Variants in TGFBR1 observed in about 807,000 individuals in gnomAD.
The protein encoded by TGFBR1 is transforming growth factor beta receptor 1.
A neutral mutation model predicts 55.1 loss-of-function variants in TGFBR1; 20 were observed. The observed-to-expected ratio is 0.36, with a 90% confidence interval of 0.26 to 0.53. TGFBR1 has a LOEUF of 0.53. Ranked by LOEUF, TGFBR1 falls within the 20% of genes least tolerant of loss-of-function variation. The pLI is 0.91. For missense variants in TGFBR1, 385 were observed against 617.6 expected, an observed-to-expected ratio of 0.62 and a Z score of 3.99; for synonymous variants, 220 against 214.8, an observed-to-expected ratio of 1.02 and a Z score of -0.21.
intron 1 of TGFBR1, among the ~76,000 whole-genome samples, chr9:99,123,017 T>G (rs956335544): frequency 5.9e-5 from 9 of 152,140 alleles, no homozygotes; most frequent in African/African-American, 1.7e-4. Flanking sequence ...ATAAAGCATA[T>G]ATGAAACATG....
At chr9:99,139,094 C>A (rs1039442473) in intron 4 of TGFBR1, among the ~76,000 whole-genome samples, 1 of 152,080 alleles carries the variant, frequency 6.6e-6, no homozygotes, top group African/African-American at 2.4e-5. Flanking sequence ...CTGTGCCCAG[C>A]CCCCACGATT....
At chr9:99,146,642 C>T (rs1384408296) in intron 7 of TGFBR1, 33 bp downstream of exon 7, 1 of 1,613,458 alleles carries the variant, frequency 6.2e-7, no homozygotes, top group African/African-American at 1.3e-5. Flanking sequence ...AGTAGTTTGT[C>T]ATGAGCAGAA....
intron 4 of TGFBR1, among the ~76,000 whole-genome samples, chr9:99,139,431 G>C (rs1027343458): frequency 1.3e-5 from 2 of 151,702 alleles, no homozygotes; most frequent in Non-Finnish European, 2.9e-5. Flanking sequence ...ACTTTTATTT[G>C]TAGAAAATTT....
At chr9:99,124,100 T>G (rs1327446260) in intron 1 of TGFBR1, among the ~76,000 whole-genome samples, 1 of 152,130 alleles carries the variant, frequency 6.6e-6, no homozygotes, top group Non-Finnish European at 1.5e-5. Flanking sequence ...TCAGGAAAGC[T>G]TTCTCACCCT....
At chr9:99,122,043 C>T (rs1223350881) in intron 1 of TGFBR1, among the ~76,000 whole-genome samples, 3 of 152,168 alleles carry the variant, frequency 2.0e-5, no homozygotes, top group Admixed American at 2.0e-4. Flanking sequence ...TACTCTGTCT[C>T]ATATCCTGAA....
intron 1 of TGFBR1, among the ~76,000 whole-genome samples, chr9:99,123,109 A>T (rs1261315962): frequency 1.3e-5 from 2 of 152,116 alleles, no homozygotes. Flanking sequence ...TCTGAAAAAA[A>T]TCCCAAATCC....
chr9:99,146,188 A>G (rs532331467), intron 6 of TGFBR1, among the ~76,000 whole-genome samples: 22 of 152,300 alleles, frequency 1.4e-4, no homozygotes, highest in African/African-American at 5.3e-4. Flanking sequence ...TAGTACGTGT[A>G]TAGGTGGTGT....
chr9:99,112,516 A>G (rs1187833878), intron 1 of TGFBR1, among the ~76,000 whole-genome samples: 1 of 152,104 alleles, frequency 6.6e-6, no homozygotes, highest in Non-Finnish European at 1.5e-5. Flanking sequence ...TCTCCTTCCT[A>G]TCATTCTATG....
chr9:99,135,122 T>C (rs987786684), intron 3 of TGFBR1, among the ~76,000 whole-genome samples: 4 of 152,078 alleles, frequency 2.6e-5, no homozygotes, highest in Non-Finnish European at 2.9e-5. Context: ...ATGACAAGTG[T>C]TACTCTTATT....
In TGFBR1 at chr9:99,105,189, G is replaced by T; in HGVS notation, c.-17G>T. On this transcript the variant is annotated 5_prime_UTR_variant, in exon 1 of 9. Coordinates refer to ENST00000374994, the MANE Select transcript of TGFBR1 (RefSeq NM_004612.4). ...GCGGCCGGGCCGGGCCGGGCCACAG[G>T]CGGTGGCGGCGGGACCATGGAGGCG... 2 of 1,085,094 alleles carry T rather than the reference G, an allele frequency of 1.8e-6. No individual in the cohort carries two copies. The highest frequency in any genetic ancestry group is 4.3e-5 in the South Asian group (1 of 23,048). The allele number at this position is 1,085,094 out of a possible 1,614,324, so 67.2% of individuals were successfully genotyped here.
At chr9:99,123,609 T>C (rs1365605758) in intron 1 of TGFBR1, among the ~76,000 whole-genome samples, 2 of 152,210 alleles carry the variant, frequency 1.3e-5, no homozygotes, top group Admixed American at 1.3e-4. Flanking sequence ...GGGTAGAATA[T>C]TTGTATAAAT....
At position 99,151,834 on chromosome 9, in the gene TGFBR1, G is replaced by A. The variant is rs982540018; in HGVS notation, c.*2529G>A. 4.7e-6 allele frequency: 1 copy of A among 213,170 alleles called. No individual in the cohort carries two copies. The highest frequency in any genetic ancestry group is 9.5e-6 in the Non-Finnish European group (1 of 104,998). The allele number at this position is 213,170 out of a possible 1,614,324, so 13.2% of individuals were successfully genotyped here. A position where few individuals can be genotyped will look rare whatever the true frequency, so the allele number is the denominator to read the frequency against. ...TGGATCATGATTACTGTCGATAACT[G>A]CAGATAAATTTGATTAGAGTAATAA... On this transcript the variant is annotated 3_prime_UTR_variant, in exon 9 of 9. Transcript: ENST00000374994.
chr9:99,141,591 A>G (rs1006870895), intron 4 of TGFBR1, among the ~76,000 whole-genome samples: 1 of 152,246 alleles, frequency 6.6e-6, no homozygotes, highest in Non-Finnish European at 1.5e-5. Context: ...GCTCCTTGTC[A>G]GTAACAGGCA....
At chr9:99,128,006 A>G (rs1827089033) in intron 1 of TGFBR1, 1 of 455,940 alleles carries the variant, frequency 2.2e-6, no homozygotes, top group African/African-American at 2.0e-5. Flanking sequence ...AATTCTGGTA[A>G]GCAGTATGTG....
rs886063223 is a variant in TGFBR1 at position 99,137,950 on chromosome 9, A to G, written c.666A>G (p.Gly222=). The change falls in exon 4 of 9, where the codon GGA becomes GGG. Residue 222 remains glycine (G), a synonymous_variant. Transcript: ENST00000374994. ...GTCGATTTGGAGAAGTTTGGAGAGG[A>G]AAGTGGCGGGGAGAAGAAGTTGCTG... ...GKGRFGEVWR[G]KWRGEEVAVK... 1 of 1,613,992 alleles carries G rather than the reference A, an allele frequency of 6.2e-7. No homozygotes were observed. The highest frequency in any genetic ancestry group is 8.5e-7 in the Non-Finnish European group (1 of 1,179,988).
chr9:99,113,464 A>G (rs946165690), intron 1 of TGFBR1, among the ~76,000 whole-genome samples: 6 of 152,242 alleles, frequency 3.9e-5, no homozygotes, highest in African/African-American at 1.4e-4. Context: ...TTTTGAAGGC[A>G]GATTAAATTC....
chr9:99,104,849 C>G (rs1159527010), upstream of TGFBR1, among the ~76,000 whole-genome samples: 1 of 152,132 alleles, frequency 6.6e-6, no homozygotes, highest in South Asian at 2.1e-4. Context: ...CTGGCAGACC[C>G]CGCCCCCACG....
At chr9:99,138,555 G>A (rs1285108961) in intron 4 of TGFBR1, among the ~76,000 whole-genome samples, 1 of 152,176 alleles carries the variant, frequency 6.6e-6, no homozygotes, top group East Asian at 1.9e-4. Context: ...GTTGCCAAGG[G>A]CTAAATAGAT....
At chr9:99,118,317 T>A (rs925488863) in intron 1 of TGFBR1, among the ~76,000 whole-genome samples, 1 of 152,324 alleles carries the variant, frequency 6.6e-6, no homozygotes, top group Non-Finnish European at 1.5e-5. Context: ...TCCTTTTGTT[T>A]ATTTCTGACT....
Sources: allele counts gnomAD v4.1 joint callset (sites outside exome capture counted in the v4.1 genomes callset), GRCh38; gene constraint gnomAD v4.1.1; transcripts MANE v1.5; gene names NCBI Gene and HGNC (gene_info 2026-07-23, HGNC 2026-07-21).